The following NSFL1C variants were observed in gnomAD, a reference collection of about 807,000 sequenced individuals.
NSFL1C encodes the protein NSFL1 cofactor p47.
NSFL1C carries 14 observed loss-of-function variants against 43.1 expected under a neutral mutation model. The ratio of observed to expected loss-of-function variants is 0.32; its 90% CI spans 0.21 to 0.51. The LOEUF is 0.51. NSFL1C is among the 20% of genes least tolerant of loss of function. The pLI is 0.98. For synonymous variants in NSFL1C, 171 were observed against 183.5 expected, an observed-to-expected ratio of 0.93 and a Z score of 0.55; for missense variants, 406 against 472.5, an observed-to-expected ratio of 0.86 and a Z score of 1.30.
At chr20:1,460,213 T>C (rs1267561675) in intron 2 of NSFL1C, among the ~76,000 whole-genome samples, 1 of 152,214 alleles carries the variant, frequency 6.6e-6, no homozygotes, top group Non-Finnish European at 1.5e-5. Context: ...TTTTGCATGG[T>C]GTGGCACATT....
chr20:1,466,246 G>A (rs970093818), intron 1 of NSFL1C, among the ~76,000 whole-genome samples: 1 of 152,164 alleles, frequency 6.6e-6, no homozygotes, highest in African/African-American at 2.4e-5. Context: ...CTCCAACCTT[G>A]CGCCACCACC....
intron 1 of NSFL1C, among the ~76,000 whole-genome samples, chr20:1,465,712 T>C (rs904668396): frequency 5.3e-5 from 8 of 152,210 alleles, no homozygotes; most frequent in African/African-American, 1.7e-4. Context: ...AGTCTTTACC[T>C]CATAGTGTTG....
chr20:1,466,494 G>T (rs1430141554), intron 1 of NSFL1C, among the ~76,000 whole-genome samples: 1 of 152,216 alleles, frequency 6.6e-6, no homozygotes, highest in Non-Finnish European at 1.5e-5. Flanking sequence ...AGCGGGCGAG[G>T]CAGGGTGAAA....
At chr20:1,445,573 T>C in intron 8 of NSFL1C, 93 bp downstream of exon 8, 2 of 1,421,670 alleles carry the variant, frequency 1.4e-6, no homozygotes, top group Non-Finnish European at 1.9e-6. Context: ...CCTGCTGGTA[T>C]TTAGGAGGAA....
Position 1,450,253 on chromosome 20 carries a change from T to A in NSFL1C, c.785+2240A>T, listed in dbSNP as rs147867243. ...GTTCACAAGACAATGAAAAACATAG[T>A]AAAATTTATGAGAAAAACTAAAGCA... On this transcript the variant is annotated intron_variant, in intron 7 of 8. Coordinates refer to ENST00000216879, the MANE Select transcript of NSFL1C (RefSeq NM_016143.5). 8.6e-3 allele frequency among the ~76,000 whole-genome samples: 1,316 copies of A among 152,208 alleles called. 14 individuals carry two copies. The highest frequency in any genetic ancestry group is 0.03 in the African/African-American group (1,241 of 41,536).
At chr20:1,460,578 G>A (rs1170872493) in intron 2 of NSFL1C, among the ~76,000 whole-genome samples, 1 of 152,082 alleles carries the variant, frequency 6.6e-6, no homozygotes, top group Non-Finnish European at 1.5e-5. Context: ...GGCTACTCTG[G>A]CATACTGAAG....
chr20:1,452,485 C>T lies in NSFL1C; in HGVS notation c.785+8G>A, dbSNP rs770850383. On this transcript the variant is annotated splice_region_variant and intron_variant, in intron 7 of 8. Transcript: ENST00000216879. Reference sequence around the variant, plus strand: ...CAGAGTCTGGCTCTAACCTGTGCTGCCCCTTACCTGCCCAGTTTCTGACCC... The same window carrying T: ...CAGAGTCTGGCTCTAACCTGTGCTGTCCCTTACCTGCCCAGTTTCTGACCC... 15 of 1,613,876 alleles carry T rather than the reference C, an allele frequency of 9.3e-6. No homozygotes were observed. The highest frequency in any genetic ancestry group is 1.2e-5 in the Non-Finnish European group (14 of 1,179,818).
intron 7 of NSFL1C, among the ~76,000 whole-genome samples, chr20:1,447,517 A>C (rs2090085553): frequency 6.6e-6 from 1 of 151,864 alleles, no homozygotes. Flanking sequence ...AATTCTTCCA[A>C]AGTGGCCCAG....
chr20:1,448,046 T>C (rs2090102805), intron 7 of NSFL1C, among the ~76,000 whole-genome samples: 1 of 152,210 alleles, frequency 6.6e-6, no homozygotes, highest in Non-Finnish European at 1.5e-5. Flanking sequence ...AAAAATAATA[T>C]TTATATTGGA....
intron 1 of NSFL1C, among the ~76,000 whole-genome samples, chr20:1,465,441 CAGA>C (rs2090489923): frequency 6.6e-6 from 1 of 152,208 alleles, no homozygotes; most frequent in Non-Finnish European, 1.5e-5. Context: ...GGGAACGAGA[CAGA>C]AGATCTGTTG....
intron 6 of NSFL1C, 65 bp downstream of exon 6, chr20:1,452,966 C>T (rs1599949604): frequency 3.4e-6 from 3 of 883,384 alleles, no homozygotes; most frequent in South Asian, 1.3e-5. Flanking sequence ...AACATTCTGC[C>T]TCCTCCTTTC....
intron 1 of NSFL1C, among the ~76,000 whole-genome samples, chr20:1,466,175 A>G (rs1202509699): frequency 1.3e-5 from 2 of 152,232 alleles, no homozygotes; most frequent in Non-Finnish European, 1.5e-5. Context: ...CCAATGAACT[A>G]CACAGCAATT....
At chr20:1,458,426 A>G (rs1043115422) in intron 2 of NSFL1C, 152 bp from the exon 3 acceptor site, 4 of 612,092 alleles carry the variant, frequency 6.5e-6, no homozygotes, top group African/African-American at 1.8e-5. Flanking sequence ...CCCTAAGATT[A>G]CACATAAAAT....
rs535596208 is a variant in NSFL1C at position 1,466,310 on chromosome 20, C to A, written c.105+410G>T. Among the ~76,000 whole-genome samples, 5 of 152,342 alleles carry A rather than the reference C, an allele frequency of 3.3e-5. No individual in the cohort carries two copies. In the East Asian group the frequency reaches 9.7e-4, roughly 29 times the overall value. On this transcript the variant is annotated intron_variant, in intron 1 of 8. Coordinates refer to ENST00000216879, the MANE Select transcript of NSFL1C (RefSeq NM_016143.5). ...GGCTGGGCGGCGGTCAACTCCCGGG[C>A]TGGACTTCGGAAGTGGAAATGAGCG...
At position 1,458,227 on chromosome 20, in the gene NSFL1C, T is replaced by A; in HGVS notation, c.251A>T (p.Glu84Val). The change falls in exon 3 of 9, where the codon GAA (glutamate) becomes GTA (valine). Residue 84 changes from glutamate to valine, a missense_variant. Physicochemically the swap from Glu to Val is moderately radical, Grantham distance 121 (BLOSUM62 -2). This residue lies in a region of NSFL1C where 203 missense variants were observed against 216.3 expected (regional missense o/e 0.94). Coordinates refer to ENST00000216879, the MANE Select transcript of NSFL1C (RefSeq NM_016143.5). ...SFRDLIHDQD[E>V]DEEEEEGQRF... is the part of the protein sequence containing the mutation. Reference sequence around the variant, plus strand: ...CTGGCCTTCCTCTTCCTCCTCATCTTCATCTTGGTCATGAATGAGGTCTCT... The same window carrying A: ...CTGGCCTTCCTCTTCCTCCTCATCTACATCTTGGTCATGAATGAGGTCTCT... 6.2e-7 allele frequency: 1 copy of A among 1,613,864 alleles called. No homozygotes were observed. Among genetic ancestry groups the A allele is most frequent in the Non-Finnish European group, 8.5e-7 (1 of 1,179,782 alleles).
chr20:1,443,942 C>A (rs1324051544), intron 8 of NSFL1C, 31 bp from the exon 9 acceptor site: 2 of 1,594,190 alleles, frequency 1.3e-6, no homozygotes, highest in South Asian at 1.1e-5. Flanking sequence ...GTGAGCAGTG[C>A]CATCCTCTGC....
intron 2 of NSFL1C, among the ~76,000 whole-genome samples, chr20:1,460,148 A>G (rs763339231): frequency 1.3e-5 from 2 of 152,188 alleles, no homozygotes; most frequent in Non-Finnish European, 2.9e-5. Flanking sequence ...AGACAATCAC[A>G]GCACCAACCT....
intron 2 of NSFL1C, chr20:1,464,014 TGAAAG>T: frequency 3.2e-6 from 1 of 314,100 alleles, no homozygotes; most frequent in Non-Finnish European, 5.8e-6. Context: ...ATAGCACCCT[TGAAAG>T]GAAGTTTTTT....
intron 2 of NSFL1C, among the ~76,000 whole-genome samples, chr20:1,462,421 C>T (rs2090429626): frequency 6.6e-6 from 1 of 152,214 alleles, no homozygotes; most frequent in Non-Finnish European, 1.5e-5. Context: ...TGAGCCTTAA[C>T]CAGAGCAATA....
Sources: allele counts gnomAD v4.1 joint callset (sites outside exome capture counted in the v4.1 genomes callset), GRCh38; gene constraint gnomAD v4.1.1; regional missense constraint gnomAD v4.1.1; transcripts MANE v1.5; gene names NCBI Gene and HGNC (gene_info 2026-07-23, HGNC 2026-07-21).